Variants in PNPLA1 observed in about 807,000 individuals in gnomAD.
PNPLA1 encodes omega-hydroxyceramide transacylase.
A neutral mutation model predicts 51.7 loss-of-function variants in PNPLA1; 36 were observed. The observed-to-expected ratio is 0.70, with a 90% CI of 0.53 to 0.92. The LOEUF (loss-of-function observed/expected upper bound fraction) is 0.92. Ranked by LOEUF, PNPLA1 falls within the 40% of genes least tolerant of loss-of-function variation. The pLI, the probability that PNPLA1 is intolerant of heterozygous loss-of-function variation, is 0.00. For synonymous variants in PNPLA1, 293 were observed against 280.1 expected, an observed-to-expected ratio of 1.05 and a Z score of -0.46; for missense variants, 658 against 682.5, an observed-to-expected ratio of 0.96 and a Z score of 0.40.
chr6:36,301,700 A>G (rs1462382449), intron 5 of PNPLA1, among the ~76,000 whole-genome samples, 161 bp from the exon 6 acceptor site: 1 of 152,234 alleles, frequency 6.6e-6, no homozygotes, highest in East Asian at 1.9e-4. Flanking sequence ...TAAGTGCCAG[A>G]AACCATCACG....
chr6:36,245,799 C>G (rs1425024436), intron 1 of PNPLA1, among the ~76,000 whole-genome samples: 1 of 152,228 alleles, frequency 6.6e-6, no homozygotes, highest in Non-Finnish European at 1.5e-5. Context: ...CAGGGACATC[C>G]TGATTTGGCC....
chr6:36,303,029 G>C (rs748751149), intron 6 of PNPLA1, among the ~76,000 whole-genome samples: 1 of 152,174 alleles, frequency 6.6e-6, no homozygotes, highest in African/African-American at 2.4e-5. Flanking sequence ...ACATCCCGGA[G>C]CTTGACCATT....
intron 1 of PNPLA1, among the ~76,000 whole-genome samples, chr6:36,259,317 G>A (rs151152215): frequency 6.6e-6 from 1 of 152,226 alleles, no homozygotes; most frequent in East Asian, 1.9e-4. Context: ...ACTTTCATGG[G>A]GTTATTGCTT....
At chr6:36,305,260 C>T (rs1771196028) in intron 6 of PNPLA1, among the ~76,000 whole-genome samples, 1 of 152,140 alleles carries the variant, frequency 6.6e-6, no homozygotes, top group Non-Finnish European at 1.5e-5. Flanking sequence ...GACAATTCTT[C>T]TTCCAGTGTG....
intron 1 of PNPLA1, among the ~76,000 whole-genome samples, chr6:36,276,758 C>G (rs5022022): frequency 0.045 from 2,511 of 56,346 alleles, 61 homozygotes; most frequent in African/African-American, 0.19. Context: ...TCGTTCGTTC[C>G]TTCCTTCCTT....
rs991076647 is a variant in PNPLA1 at position 36,302,331 on chromosome 6, C to T, written c.1246C>T (p.His416Tyr). 6.2e-7 allele frequency: 1 copy of T among 1,613,664 alleles called. No homozygotes were observed. The highest frequency in any genetic ancestry group is 8.5e-7 in the Non-Finnish European group (1 of 1,179,652). Residue 416 changes from histidine to tyrosine, a missense_variant, in exon 6 of 9, where the codon CAC (histidine) becomes TAC (tyrosine). Physicochemically the swap from His to Tyr is moderately conservative, Grantham distance 83. Coordinates refer to ENST00000636260, the MANE Select transcript of PNPLA1 (RefSeq NM_001374623.1). Reference sequence around the variant, plus strand: ...GTCTGGATCACCAGCCAGATCCCTACACTCTCAGGCACCCACTTCACCCAG... The same window carrying T: ...GTCTGGATCACCAGCCAGATCCCTATACTCTCAGGCACCCACTTCACCCAG... Reference protein sequence around the residue: ...QPSGSPARSLHSQAPTSPRPS... With the variant: ...QPSGSPARSLYSQAPTSPRPS...
rs1227557034 is a variant in PNPLA1 at position 36,294,085 on chromosome 6, T to TG, written c.505-102dup. On this transcript the variant is annotated intron_variant, in intron 3 of 8. Transcript: ENST00000636260. The surrounding 1 kb of genome is among the most constrained non-coding windows in gnomAD (Gnocchi z 4.2). ...GAGGGGTCTTCTGGATCTTCCTTGATGGGCCCTTGAAGCTGGTGCCATATC... is the reference window on the plus strand; with the variant it reads ...GAGGGGTCTTCTGGATCTTCCTTGATGGGGCCCTTGAAGCTGGTGCCATATC... 3 of 1,318,170 alleles carry TG rather than the reference T, an allele frequency of 2.3e-6. No homozygotes were observed. 81.7% of individuals were successfully genotyped at this position (1,318,170 alleles called of 1,614,324 possible). A position where few individuals can be genotyped will look rare whatever the true frequency, so the allele number is the denominator to read the frequency against.
chr6:36,298,761 C>T (rs1028923701), intron 5 of PNPLA1, among the ~76,000 whole-genome samples: 3 of 152,276 alleles, frequency 2.0e-5, no homozygotes, highest in South Asian at 2.1e-4. Context: ...TTTTTTGAGA[C>T]GGAGTCTCGC....
chr6:36,299,778 C>T lies in PNPLA1; in HGVS notation c.776-2083C>T, dbSNP rs531046988. ...ATCTTTTCATTTGTCTATTTGCCTCCCATAGATCTTCTTTGGTGAAGCATT... is the reference window on the plus strand; with the variant it reads ...ATCTTTTCATTTGTCTATTTGCCTCTCATAGATCTTCTTTGGTGAAGCATT... On this transcript the variant is annotated intron_variant, in intron 5 of 8. Transcript: ENST00000636260. Among the ~76,000 whole-genome samples, 29 of 152,290 alleles carry T rather than the reference C, an allele frequency of 1.9e-4. No homozygotes were observed. The South Asian group carries it at 5.4e-3, about 28-fold the overall frequency.
At chr6:36,250,799 G>C (rs1264674395) in intron 1 of PNPLA1, among the ~76,000 whole-genome samples, 2 of 152,148 alleles carry the variant, frequency 1.3e-5, no homozygotes, top group Non-Finnish European at 2.9e-5. Context: ...TGACTCCCCG[G>C]TTCAAGTGAT....
intron 1 of PNPLA1, among the ~76,000 whole-genome samples, chr6:36,285,790 C>G (rs1770469425): frequency 6.6e-6 from 1 of 152,134 alleles, no homozygotes; most frequent in Non-Finnish European, 1.5e-5. Context: ...AACGCATGTA[C>G]AATTATCCCT....
At chr6:36,285,773 TAA>T (rs891431718) in intron 1 of PNPLA1, among the ~76,000 whole-genome samples, 124 of 152,216 alleles carry the variant, frequency 8.1e-4, no homozygotes, top group African/African-American at 2.8e-3. Context: ...CCTAAACAAA[TAA>T]AATAAACGCA....
chr6:36,302,203 C>A lies in PNPLA1; in HGVS notation c.1118C>A (p.Ser373Ter). The change falls in exon 6 of 9, where the codon TCA becomes TAA. Residue 373 changes from serine to a stop codon, truncating the protein, a stop_gained. Transcript: ENST00000636260. LOFTEE classifies it high-confidence loss of function. ...PLSLSGMPPV[S>*]FPAVHKPPSS... ...TCTCTAAGTGGCATGCCACCTGTATCATTCCCAGCTGTGCACAAGCCACCC... is the reference window on the plus strand; with the variant it reads ...TCTCTAAGTGGCATGCCACCTGTATAATTCCCAGCTGTGCACAAGCCACCC... 6.2e-7 allele frequency: 1 copy of A among 1,614,240 alleles called. No individual in the cohort carries two copies. The highest frequency in any genetic ancestry group is 1.7e-5 in the Admixed American group (1 of 60,030).
intron 5 of PNPLA1, among the ~76,000 whole-genome samples, chr6:36,296,065 C>T (rs1394212510): frequency 6.6e-6 from 1 of 152,174 alleles, no homozygotes; most frequent in Non-Finnish European, 1.5e-5. Flanking sequence ...AATCTCAGCA[C>T]TGTAGGAGGG....
chr6:36,296,387 C>T (rs1043837072), intron 5 of PNPLA1, among the ~76,000 whole-genome samples: 2 of 152,172 alleles, frequency 1.3e-5, no homozygotes, highest in African/African-American at 4.8e-5. Context: ...GAAGCATTTT[C>T]CTTGTTGCCA....
At chr6:36,307,741 C>T (rs1771287526) in intron 8 of PNPLA1, 29 bp downstream of exon 8, 1 of 1,611,698 alleles carries the variant, frequency 6.2e-7, no homozygotes, top group Admixed American at 1.7e-5. Flanking sequence ...CCTTAAATCC[C>T]ACGGAGAGGA....
intron 1 of PNPLA1, among the ~76,000 whole-genome samples, chr6:36,260,854 C>G (rs1769632107): frequency 6.6e-6 from 1 of 152,180 alleles, no homozygotes; most frequent in Admixed American, 6.5e-5. Context: ...GGTGCGGGCT[C>G]TGTCACCCAG....
chr6:36,266,301 T>G (rs1350322716), upstream of PNPLA1, among the ~76,000 whole-genome samples: 1 of 152,228 alleles, frequency 6.6e-6, no homozygotes, highest in Non-Finnish European at 1.5e-5. Context: ...ATGCTTATTG[T>G]TTGAAAGTGC....
At chr6:36,303,855 T>A (rs1771150681) in intron 6 of PNPLA1, among the ~76,000 whole-genome samples, 1 of 152,104 alleles carries the variant, frequency 6.6e-6, no homozygotes, top group African/African-American at 2.4e-5. Context: ...ATATCAGAAG[T>A]ATTAAGTACT....
Sources: gnomAD v4.1 joint callset for allele counts (sites outside exome capture counted in the v4.1 genomes callset) on GRCh38, gnomAD v4.1.1 for gene constraint, Gnocchi (gnomAD v3.1) non-coding constraint, MANE v1.5 for transcripts, NCBI Gene and HGNC (gene_info 2026-07-23, HGNC 2026-07-21) for gene names.